IL4R: variants seen among roughly 807,000 people sequenced by gnomAD.
IL4R encodes the protein interleukin-4 receptor subunit alpha.
In IL4R, 17 loss-of-function variants were observed where a neutral mutation model predicts 41.5. The observed-to-expected ratio is 0.41, with a 90% CI of 0.28 to 0.61. The LOEUF is 0.61. IL4R is among the 20% of genes least tolerant of loss of function. IL4R has a pLI of 0.31. For missense variants in IL4R, 974 were observed against 1,043.1 expected (o/e 0.93, Z 0.91); for synonymous variants, 402 against 422.9 (o/e 0.95, Z 0.61).
At chr16:27,332,426 C>CGTA (rs1171483075) in intron 2 of IL4R, among the ~76,000 whole-genome samples, 1 of 152,054 alleles carries the variant, frequency 6.6e-6, no homozygotes, top group African/African-American at 2.4e-5. Flanking sequence ...GAACTGCTCC[C>CGTA]GTAATCTAAT....
intron 7 of IL4R, among the ~76,000 whole-genome samples, chr16:27,352,909 T>C (rs1016792453): frequency 6.6e-6 from 1 of 152,182 alleles, no homozygotes; most frequent in African/African-American, 2.4e-5. Flanking sequence ...GGCTTAACAC[T>C]ATGGGAATAT....
chr16:27,326,684 A>G (rs1040100929), intron 1 of IL4R, among the ~76,000 whole-genome samples: 3 of 152,126 alleles, frequency 2.0e-5, no homozygotes, highest in Admixed American at 1.3e-4. Flanking sequence ...GAAGGAGAAT[A>G]AGTGAGGTAC....
Position 27,363,973 on chromosome 16 carries a change from T to C in IL4R, c.*143T>C. ...ATGGTATGAAGGTGATTGGCCCCAC[T>C]GACGTTGGCCTAACACTGGGCTGCA... On this transcript the variant is annotated 3_prime_UTR_variant, in exon 11 of 11. Coordinates refer to ENST00000395762, the MANE Select transcript of IL4R (RefSeq NM_000418.4). 1 of 996,338 alleles carries C rather than the reference T, an allele frequency of 1.0e-6. No individual in the cohort carries two copies. The highest frequency in any genetic ancestry group is 1.5e-6 in the Non-Finnish European group (1 of 678,146). The allele number at this position is 996,338 out of a possible 1,614,324, so 61.7% of individuals were successfully genotyped here. A position where few individuals can be genotyped will look rare whatever the true frequency, so the allele number is the denominator to read the frequency against.
intron 6 of IL4R, among the ~76,000 whole-genome samples, chr16:27,351,767 G>A (rs1178907289): frequency 1.3e-5 from 2 of 151,974 alleles, no homozygotes; most frequent in African/African-American, 2.4e-5. Context: ...CACCCACTTC[G>A]GCCTCCCAAA....
At chr16:27,342,662 A>T (rs913507305) in intron 4 of IL4R, among the ~76,000 whole-genome samples, 6 of 151,980 alleles carry the variant, frequency 3.9e-5, no homozygotes, top group East Asian at 3.9e-4. Flanking sequence ...ACAATTAAAA[A>T]TTTTTTTTCT....
chr16:27,329,555 T>C (rs564864623), intron 1 of IL4R, among the ~76,000 whole-genome samples: 1 of 151,794 alleles, frequency 6.6e-6, no homozygotes, highest in South Asian at 2.1e-4. Context: ...CACACACCTG[T>C]AATTCCAGCT....
Position 27,363,110 on chromosome 16 carries a change from C to T in IL4R, c.1758C>T (p.Gly586=), listed in dbSNP as rs369069251. The T allele has an allele frequency of 2.7e-5, 44 of 1,613,962 alleles. No homozygotes were observed. Among genetic ancestry groups the T allele is most frequent in the Non-Finnish European group, 3.4e-5 (40 of 1,180,032 alleles). ...TTGTACATGCGGTGGAGCAGGGTGG[C>T]ACCCAGGCCAGTGCGGTGGTGGGCT... ...QEFVHAVEQG[G]TQASAVVGLG... Residue 586 remains glycine (G), a synonymous_variant, in exon 11 of 11, where the codon GGC becomes GGT. Coordinates refer to ENST00000395762, the MANE Select transcript of IL4R (RefSeq NM_000418.4).
rs773871414 is a variant in IL4R at position 27,355,861 on chromosome 16, A to G, written c.724A>G (p.Ile242Val). Residue 242 changes from isoleucine to valine, a missense_variant, in exon 8 of 11, where the codon ATT becomes GTT. Physicochemically the swap from Ile to Val is conservative, Grantham distance 29 (BLOSUM62 3). Around this residue, in one of 3 missense-constraint regions of IL4R, gnomAD observed 284 missense variants for 313.4 expected, o/e 0.91. Transcript: ENST00000395762. ...CCTGCTGGGCGTCAGCGTTTCCTGCATTGTCATCCTGGCCGTCTGCCTGTT... is the reference window on the plus strand; with the variant it reads ...CCTGCTGGGCGTCAGCGTTTCCTGCGTTGTCATCCTGGCCGTCTGCCTGTT... ...HLLLGVSVSC[I>V]VILAVCLLCY... The G allele has an allele frequency of 1.2e-6, 2 of 1,613,556 alleles. No homozygotes were observed. Among genetic ancestry groups the G allele is most frequent in the South Asian group, 2.2e-5 (2 of 91,086 alleles).
Position 27,342,258 on chromosome 16 carries a change from G to T in IL4R, c.208G>T (p.Glu70Ter), listed in dbSNP as rs752154193. ...LLYQLVFLLS[E>*]AHTCIPENNG... ...GTACCAGCTGGTTTTTCTGCTCTCC[G>T]AGTAAGCCTGCGCTGGAGCTGGAGG... is the stretch of plus-strand genomic sequence containing the variant. Residue 70 changes from glutamate (E) to a stop codon, truncating the protein, a stop_gained and splice_region_variant, in exon 4 of 11, where the codon GAA becomes TAA. Transcript: ENST00000395762. LOFTEE classifies it high-confidence loss of function. The T allele has an allele frequency of 6.2e-7, 1 of 1,614,174 alleles. No homozygotes were observed. Among genetic ancestry groups the T allele is most frequent in the South Asian group, 1.1e-5 (1 of 91,070 alleles).
chr16:27,352,459 C>T, intron 6 of IL4R, 81 bp from the exon 7 acceptor site: 1 of 1,187,766 alleles, frequency 8.4e-7, no homozygotes, highest in Admixed American at 1.9e-5. Context: ...ATGGTGGGGT[C>T]AGCTAACGAC....
intron 1 of IL4R, among the ~76,000 whole-genome samples, chr16:27,316,605 T>A (rs370976266): frequency 2.6e-5 from 4 of 152,206 alleles, no homozygotes; most frequent in Admixed American, 2.0e-4. Context: ...GATGACATGT[T>A]TTATAAGCTA....
At chr16:27,331,572 C>T (rs996661258) in intron 2 of IL4R, among the ~76,000 whole-genome samples, 1 of 152,066 alleles carries the variant, frequency 6.6e-6, no homozygotes, top group African/African-American at 2.4e-5. Context: ...TAAAGACTTT[C>T]TAGGCCTCCT....
At chr16:27,314,183 C>T (rs2084555447) in intron 1 of IL4R, 163 bp downstream of exon 1, 4 of 884,214 alleles carry the variant, frequency 4.5e-6, no homozygotes, top group Non-Finnish European at 5.4e-6. Context: ...CGGAGCAGCG[C>T]CCGGTTCCGT....
At chr16:27,349,874 C>G (rs2085802136) in intron 6 of IL4R, among the ~76,000 whole-genome samples, 1 of 152,178 alleles carries the variant, frequency 6.6e-6, no homozygotes, top group Non-Finnish European at 1.5e-5. Context: ...CTCTGCCTCC[C>G]AGGTAGCTGG....
chr16:27,360,587 T>C (rs2086247585), intron 9 of IL4R, among the ~76,000 whole-genome samples, 179 bp from the exon 10 acceptor site: 1 of 152,214 alleles, frequency 6.6e-6, no homozygotes, highest in South Asian at 2.1e-4. Context: ...CCACAGTCCC[T>C]GTAAATATTA....
intron 5 of IL4R, 57 bp from the exon 6 acceptor site, chr16:27,346,410 C>A (rs1466039967): frequency 6.3e-7 from 1 of 1,592,900 alleles, no homozygotes; most frequent in East Asian, 2.2e-5. Flanking sequence ...CGGGGCTGGG[C>A]TGGGTGATGG....
intron 8 of IL4R, 131 bp downstream of exon 8, chr16:27,356,038 C>A: frequency 3.2e-6 from 2 of 629,806 alleles, no homozygotes; most frequent in South Asian, 1.8e-5. Context: ...TACTACACAC[C>A]TTGAGAGTAG....
At chr16:27,360,956 G>T in intron 10 of IL4R, 141 bp downstream of exon 10, 5 of 1,550,724 alleles carry the variant, frequency 3.2e-6, no homozygotes, top group Non-Finnish European at 4.4e-6. Flanking sequence ...AGGGACGGCA[G>T]GAGGAGGGGT....
intron 8 of IL4R, among the ~76,000 whole-genome samples, chr16:27,358,703 T>G (rs755812057): frequency 6.6e-6 from 1 of 152,166 alleles, no homozygotes; most frequent in Non-Finnish European, 1.5e-5. Context: ...TCACTCCACC[T>G]CCTTGGGCCT....
Sources: gnomAD v4.1 joint callset for allele counts (sites outside exome capture counted in the v4.1 genomes callset) on GRCh38, gnomAD v4.1.1 for gene constraint, gnomAD v4.1.1 regional missense constraint, MANE v1.5 for transcripts, NCBI Gene and HGNC (gene_info 2026-07-23, HGNC 2026-07-21) for gene names.